NEBL: variants seen among roughly 807,000 people sequenced by gnomAD.
NEBL encodes LIM and SH3 protein 2.
NEBL carries 122 observed loss-of-function variants against 140.2 expected under a neutral mutation model. That is an observed-to-expected ratio of 0.87 (90% CI 0.75 to 1.01). The LOEUF (loss-of-function observed/expected upper bound fraction) is 1.01, where lower values mean the gene tolerates loss of function less well. NEBL is among the 50% of genes least tolerant of loss of function. The pLI, the probability that NEBL is intolerant of heterozygous loss-of-function variation, is 0.00. For missense variants in NEBL, 1,365 were observed against 1,231.3 expected (o/e 1.11, Z -1.62); for synonymous variants, 436 against 398.9 (o/e 1.09, Z -1.11).
intron 2 of NEBL, among the ~76,000 whole-genome samples, chr10:21,075,921 G>A (rs1054272305): frequency 1.9e-4 from 29 of 152,096 alleles, no homozygotes; most frequent in African/African-American, 6.0e-4. Flanking sequence ...CAAGAAGCAC[G>A]TATGAAAGAT....
At chr10:21,115,891 T>C (rs1273298472) in intron 2 of NEBL, among the ~76,000 whole-genome samples, 1 of 152,120 alleles carries the variant, frequency 6.6e-6, no homozygotes, top group African/African-American at 2.4e-5. Flanking sequence ...ATAAACATGA[T>C]GGGCTATTTT....
chr10:20,907,843 A>C (rs184915382), intron 4 of NEBL, among the ~76,000 whole-genome samples: 6 of 152,346 alleles, frequency 3.9e-5, no homozygotes, highest in Admixed American at 2.6e-4. Context: ...TTGGTACTTT[A>C]AAACTGCTGG....
At chr10:21,134,726 C>T (rs7067794) in intron 2 of NEBL, among the ~76,000 whole-genome samples, 2,283 of 152,214 alleles carry the variant, frequency 0.015, 48 homozygotes, top group African/African-American at 0.051. Context: ...TTAGCAGATG[C>T]GCAATATAAT....
At chr10:21,120,070 T>G (rs1033846546) in intron 2 of NEBL, among the ~76,000 whole-genome samples, 1 of 152,014 alleles carries the variant, frequency 6.6e-6, no homozygotes, top group Non-Finnish European at 1.5e-5. Flanking sequence ...CTAGTAATGA[T>G]GTTAAATTGT....
intron 13 of NEBL, among the ~76,000 whole-genome samples, chr10:20,836,181 A>C (rs151317503): frequency 1.3e-5 from 2 of 151,712 alleles, no homozygotes; most frequent in African/African-American, 4.8e-5. Context: ...TCGGTGTCAC[A>C]TTTTGGTAAT....
At chr10:21,254,244 C>A (rs1041842113) in intron 1 of NEBL, among the ~76,000 whole-genome samples, 9 of 152,006 alleles carry the variant, frequency 5.9e-5, no homozygotes, top group Non-Finnish European at 1.0e-4. Context: ...CTCAAGTGAT[C>A]CTCCCATCTC....
At chr10:20,806,798 A>T (rs12252931) in intron 26 of NEBL, among the ~76,000 whole-genome samples, 1 of 152,216 alleles carries the variant, frequency 6.6e-6, no homozygotes, top group Non-Finnish European at 1.5e-5. Flanking sequence ...TGGACTGAGG[A>T]GGATAGACAT....
At chr10:21,161,173 C>T (rs918992737) in intron 2 of NEBL, among the ~76,000 whole-genome samples, 3 of 152,062 alleles carry the variant, frequency 2.0e-5, no homozygotes, top group Non-Finnish European at 4.4e-5. Flanking sequence ...ATGTCTATTG[C>T]TTCTTTTTTA....
intron 3 of NEBL, among the ~76,000 whole-genome samples, chr10:20,967,900 A>G (rs1053799486): frequency 6.6e-6 from 1 of 152,348 alleles, no homozygotes; most frequent in African/African-American, 2.4e-5. Context: ...GCAGGGACGC[A>G]GTTTTAAAAG....
chr10:21,209,134 T>G (rs1167562197), intron 3 of NEBL, among the ~76,000 whole-genome samples: 3 of 152,162 alleles, frequency 2.0e-5, no homozygotes, highest in Admixed American at 6.5e-5. Context: ...TCTGCCCAAA[T>G]TCCAGGCAGG....
At chr10:20,940,080 C>A (rs371718265) in intron 4 of NEBL, among the ~76,000 whole-genome samples, 1 of 151,856 alleles carries the variant, frequency 6.6e-6, no homozygotes, top group South Asian at 2.1e-4. Flanking sequence ...CTGCACCAAG[C>A]GGACTTAATA....
intron 3 of NEBL, among the ~76,000 whole-genome samples, chr10:21,006,084 A>G (rs1034195410): frequency 1.3e-5 from 2 of 152,094 alleles, no homozygotes; most frequent in African/African-American, 4.8e-5. Flanking sequence ...TCACAGGCAT[A>G]CCTCCAAGGC....
intron 2 of NEBL, among the ~76,000 whole-genome samples, chr10:21,081,763 G>A (rs1204722363): frequency 2.0e-5 from 3 of 152,144 alleles, no homozygotes; most frequent in Non-Finnish European, 2.9e-5. Context: ...AAGTAAGGAT[G>A]TACCCAAAGA....
chr10:20,893,885 A>G (rs1023596359), intron 2 of NEBL, among the ~76,000 whole-genome samples: 1 of 152,222 alleles, frequency 6.6e-6, no homozygotes, highest in Non-Finnish European at 1.5e-5. Context: ...CAGGTCAGAA[A>G]TTAGGAATGA....
At chr10:20,941,303 A>G (rs1246512607) in intron 4 of NEBL, among the ~76,000 whole-genome samples, 2 of 152,210 alleles carry the variant, frequency 1.3e-5, no homozygotes, top group Non-Finnish European at 2.9e-5. Flanking sequence ...AATAAACGTA[A>G]TCCAGCATAA....
intron 4 of NEBL, among the ~76,000 whole-genome samples, chr10:20,946,339 C>T (rs1011820484): frequency 6.6e-6 from 1 of 152,224 alleles, no homozygotes; most frequent in African/African-American, 2.4e-5. Flanking sequence ...CCTCGTGCTA[C>T]TGGTAGTTAG....
intron 2 of NEBL, among the ~76,000 whole-genome samples, chr10:21,169,569 C>T (rs1019353162): frequency 4.6e-5 from 7 of 152,188 alleles, no homozygotes; most frequent in African/African-American, 1.7e-4. Context: ...TACAGACTGA[C>T]AGCAGGGACC....
intron 3 of NEBL, among the ~76,000 whole-genome samples, chr10:20,994,613 T>A (rs1040335590): frequency 1.3e-5 from 2 of 152,154 alleles, no homozygotes; most frequent in Admixed American, 6.5e-5. Flanking sequence ...AATCTGCATA[T>A]AACATTTGGT....
At chr10:20,799,839 A>G (rs1373879613) in intron 26 of NEBL, among the ~76,000 whole-genome samples, 5 of 152,168 alleles carry the variant, frequency 3.3e-5, no homozygotes, top group Non-Finnish European at 7.4e-5. Flanking sequence ...GTATATTTGA[A>G]GTTTACAACA....
Sources: gnomAD v4.1 joint callset for allele counts (sites outside exome capture counted in the v4.1 genomes callset) on GRCh38, gnomAD v4.1.1 for gene constraint, MANE v1.5 for transcripts, NCBI Gene and HGNC (gene_info 2026-07-23, HGNC 2026-07-21) for gene names.